ALDH18A1: variants seen among roughly 807,000 people sequenced by gnomAD.
ALDH18A1 encodes the protein aldehyde dehydrogenase 18 family member A1, also known as delta-1-pyrroline-5-carboxylate synthase.
In ALDH18A1, 44 loss-of-function variants were observed where a neutral mutation model predicts 88.8. The ratio of observed to expected loss-of-function variants is 0.50; its 90% CI spans 0.39 to 0.64. The LOEUF is 0.64. ALDH18A1 is among the 30% of genes least tolerant of loss of function. The pLI is 0.00. For synonymous variants in ALDH18A1, 331 were observed against 372.1 expected, an observed-to-expected ratio of 0.89 and a Z score of 1.27; for missense variants, 782 against 1,009.5, an observed-to-expected ratio of 0.77 and a Z score of 3.05.
intron 3 of ALDH18A1, among the ~76,000 whole-genome samples, chr10:95,639,426 C>T (rs937210018): frequency 2.0e-5 from 3 of 152,086 alleles, no homozygotes; most frequent in African/African-American, 7.2e-5. Context: ...CACCCAGTTT[C>T]ACCAACTATC....
intron 9 of ALDH18A1, 144 bp downstream of exon 9, chr10:95,627,298 G>T: frequency 8.9e-7 from 1 of 1,118,964 alleles, no homozygotes; most frequent in Non-Finnish European, 1.3e-6. Flanking sequence ...TTTCACAAAA[G>T]CAAAGCAAAA....
intron 6 of ALDH18A1, 31 bp from the exon 7 acceptor site, chr10:95,633,080 G>A: frequency 6.4e-7 from 1 of 1,571,938 alleles, no homozygotes; most frequent in Non-Finnish European, 8.8e-7. Flanking sequence ...TCATAAGTGA[G>A]TGAGCTAAGC....
chr10:95,630,117 C>T (rs2097866258), intron 7 of ALDH18A1, among the ~76,000 whole-genome samples: 1 of 82,400 alleles, frequency 1.2e-5, no homozygotes, highest in Admixed American at 1.3e-4. Context: ...TCTTCTTTCC[C>T]CCCCCTCTCC....
chr10:95,653,903 T>C (rs1416684816), intron 1 of ALDH18A1, among the ~76,000 whole-genome samples: 4 of 152,226 alleles, frequency 2.6e-5, no homozygotes, highest in African/African-American at 9.6e-5. Context: ...TGCTGCCATG[T>C]CTTTCTTCCT....
At chr10:95,636,506 G>T (rs527343660) in intron 5 of ALDH18A1, among the ~76,000 whole-genome samples, 2 of 152,146 alleles carry the variant, frequency 1.3e-5, no homozygotes, top group Admixed American at 1.3e-4. Context: ...CCAAAAATTC[G>T]TAAGTCCCAT....
intron 13 of ALDH18A1, among the ~76,000 whole-genome samples, chr10:95,615,476 G>A (rs539882557): frequency 3.9e-5 from 6 of 152,266 alleles, no homozygotes; most frequent in South Asian, 4.1e-4. Flanking sequence ...ATCTTGATAC[G>A]GCTGGTGGTT....
At chr10:95,647,114 A>AT in intron 2 of ALDH18A1, among the ~76,000 whole-genome samples, 1 of 152,250 alleles carries the variant, frequency 6.6e-6, no homozygotes, top group African/African-American at 2.4e-5. Flanking sequence ...TCCACGTTCC[A>AT]GAAAAATCCA....
At chr10:95,651,451 A>G (rs1163291703) in intron 2 of ALDH18A1, among the ~76,000 whole-genome samples, 1 of 152,236 alleles carries the variant, frequency 6.6e-6, no homozygotes, top group Admixed American at 6.5e-5. Flanking sequence ...GCATTGCTGT[A>G]AAGAAATACC....
At position 95,606,648 on chromosome 10, in the gene ALDH18A1, T is replaced by A; in HGVS notation, c.*114A>T. ...GAGCCCAGAAGCATCCAGGTACACTTTCCAACAGGCAGACCCTACCAGGAA... is the reference window on the plus strand; with the variant it reads ...GAGCCCAGAAGCATCCAGGTACACTATCCAACAGGCAGACCCTACCAGGAA... On this transcript the variant is annotated 3_prime_UTR_variant, in exon 18 of 18. Transcript: ENST00000371224. 23 of 1,607,966 alleles carry A rather than the reference T, an allele frequency of 1.4e-5. No homozygotes were observed. Among genetic ancestry groups the A allele is most frequent in the Non-Finnish European group, 2.0e-5 (23 of 1,179,074 alleles).
chr10:95,609,470 A>G (rs932703165), intron 17 of ALDH18A1, among the ~76,000 whole-genome samples: 2 of 152,186 alleles, frequency 1.3e-5, no homozygotes, highest in African/African-American at 4.8e-5. Flanking sequence ...GAGTGCTCTC[A>G]AGGGACACAG....
intron 16 of ALDH18A1, 56 bp from the exon 17 acceptor site, chr10:95,610,348 T>A: frequency 6.4e-7 from 1 of 1,554,248 alleles, no homozygotes; most frequent in Non-Finnish European, 8.9e-7. Context: ...AACATCCCTG[T>A]TTCCAGCCAT....
chr10:95,627,559 C>G lies in ALDH18A1; in HGVS notation c.961G>C (p.Gly321Arg). 6.2e-7 allele frequency: 1 copy of G among 1,614,148 alleles called. No individual in the cohort carries two copies. The highest frequency in any genetic ancestry group is 8.5e-7 in the Non-Finnish European group (1 of 1,179,980). ...TTGGCAATAACAACAGAAGTGCCACCTTGCAAAGCCCAGAGGGCTGCTTTC... is the reference window on the plus strand; with the variant it reads ...TTGGCAATAACAACAGAAGTGCCACGTTGCAAAGCCCAGAGGGCTGCTTTC... ...KVKAALWALQGGTSVVIANGT... is the reference protein window; with the variant it reads ...KVKAALWALQRGTSVVIANGT... Residue 321 changes from glycine (G) to arginine (R), a missense_variant, in exon 9 of 18, where the codon GGT becomes CGT. Transcript: ENST00000371224.
chr10:95,635,981 T>C (rs1428199262), intron 5 of ALDH18A1, among the ~76,000 whole-genome samples: 1 of 152,178 alleles, frequency 6.6e-6, no homozygotes, highest in Admixed American at 6.5e-5. Context: ...TAGAGATTTA[T>C]ACTGTATTTA....
chr10:95,653,761 T>A (rs2097913938), intron 1 of ALDH18A1, among the ~76,000 whole-genome samples: 1 of 152,216 alleles, frequency 6.6e-6, no homozygotes, highest in Non-Finnish European at 1.5e-5. Context: ...CTGTAACAGA[T>A]CCAACATCCT....
intron 2 of ALDH18A1, among the ~76,000 whole-genome samples, chr10:95,647,999 T>G (rs916601378): frequency 6.6e-6 from 1 of 152,218 alleles, no homozygotes; most frequent in African/African-American, 2.4e-5. Context: ...TAAATCTAAG[T>G]GTTTCCCTGA....
At chr10:95,653,574 GT>G (rs2097913675) in intron 1 of ALDH18A1, among the ~76,000 whole-genome samples, 169 bp from the exon 2 acceptor site, 2 of 152,186 alleles carry the variant, frequency 1.3e-5, no homozygotes, top group African/African-American at 4.8e-5. Context: ...GAGAGAAAAA[GT>G]AAGTGGCTCC....
At chr10:95,643,299 T>A (rs980625911) in intron 2 of ALDH18A1, 93 bp from the exon 3 acceptor site, 3 of 1,222,280 alleles carry the variant, frequency 2.5e-6, no homozygotes, top group Non-Finnish European at 3.5e-6. Flanking sequence ...CCAGTTTAGA[T>A]ACCAAAAAAT....
At position 95,628,434 on chromosome 10, in the gene ALDH18A1, G is replaced by A. The variant is rs773542045; in HGVS notation, c.867C>T (p.Pro289=). The A allele has an allele frequency of 1.9e-5, 31 of 1,613,910 alleles. No individual in the cohort carries two copies. The highest frequency in any genetic ancestry group is 1.6e-4 in the Middle Eastern group (1 of 6,084). ...CAAATGTCACAGACTGCTGATCTCC[G>A]GGATAAAATATATCAATAAGCTTTG... ...DDAKLIDIFY[P]GDQQSVTFGT... The change falls in exon 8 of 18, where the codon CCC becomes CCT. Residue 289 remains proline (P), a synonymous_variant. Transcript: ENST00000371224.
intron 3 of ALDH18A1, among the ~76,000 whole-genome samples, chr10:95,640,974 C>T (rs1158402531): frequency 6.6e-6 from 1 of 152,184 alleles, no homozygotes; most frequent in African/African-American, 2.4e-5. Flanking sequence ...AATGAGACCA[C>T]CACCTCTGCT....
Sources: gnomAD v4.1 joint callset for allele counts (sites outside exome capture counted in the v4.1 genomes callset) on GRCh38, gnomAD v4.1.1 for gene constraint, MANE v1.5 for transcripts, NCBI Gene and HGNC (gene_info 2026-07-23, HGNC 2026-07-21) for gene names.